ZNF177: variants seen among roughly 807,000 people sequenced by gnomAD.
ZNF177 encodes the protein zinc finger protein 177.
A neutral mutation model predicts 19.4 loss-of-function variants in ZNF177; 17 were observed. That is an observed-to-expected ratio of 0.87 (90% CI 0.60 to 1.31). The LOEUF (loss-of-function observed/expected upper bound fraction) is 1.31, where lower values mean the gene tolerates loss of function less well. Among genes scored for constraint, ZNF177 ranks in the 40% most tolerant of loss-of-function variants. The pLI, the probability that ZNF177 is intolerant of heterozygous loss-of-function variation, is 0.00. For missense variants in ZNF177, 633 were observed against 561.8 expected (o/e 1.13, Z -1.28); for synonymous variants, 220 against 188.7 (o/e 1.17, Z -1.36).
downstream of ZNF177, chr19:9,382,582 C>A (rs138090411): frequency 5.6e-5 from 22 of 394,076 alleles, no homozygotes; most frequent in Non-Finnish European, 8.0e-5. Flanking sequence ...CCAACTGTTA[C>A]ATCTAATAAA....
intron 3 of ZNF177, 109 bp from the exon 6 acceptor site, chr19:9,379,418 C>A: frequency 7.2e-7 from 1 of 1,394,306 alleles, no homozygotes; most frequent in Non-Finnish European, 9.6e-7. Context: ...TAAAGCTGCA[C>A]TTGACTATTT....
intron 1 of ZNF177, 79 bp from the exon 4 acceptor site, chr19:9,378,180 G>A: frequency 2.2e-6 from 3 of 1,365,802 alleles, no homozygotes; most frequent in Non-Finnish European, 2.9e-6. Flanking sequence ...TTACCCTTTA[G>A]TAAGAAGAAG....
chr19:9,381,170 G>A (rs148249257), exon 6 of ZNF177: 1 of 1,614,076 alleles, frequency 6.2e-7, no homozygotes, highest in African/African-American at 1.3e-5. Flanking sequence ...ACTCACTCTG[G>A]AGAGATGCCC....
chr19:9,373,548 C>T (rs765212846), upstream of ZNF177, among the ~76,000 whole-genome samples: 1 of 152,060 alleles, frequency 6.6e-6, no homozygotes, highest in Non-Finnish European at 1.5e-5. Flanking sequence ...ATGGCTGTAC[C>T]AATTTTCACT....
At chr19:9,372,076 C>T (rs1026158769), upstream of ZNF177, among the ~76,000 whole-genome samples, 1 of 152,200 alleles carries the variant, frequency 6.6e-6, no homozygotes, top group African/African-American at 2.4e-5. Flanking sequence ...ATTTCTTAAA[C>T]TGTGCCTTCC....
chr19:9,373,435 T>C (rs185436804), upstream of ZNF177, among the ~76,000 whole-genome samples: 14 of 152,344 alleles, frequency 9.2e-5, no homozygotes, highest in African/African-American at 1.9e-4. Context: ...CTTTAAGATA[T>C]TGATTTCACT....
At chr19:9,379,135 T>G (rs748977959) in intron 3 of ZNF177, 47 bp downstream of exon 5, 3 of 1,553,610 alleles carry the variant, frequency 1.9e-6, no homozygotes, top group Non-Finnish European at 2.6e-6. Context: ...CAAATAGTTC[T>G]TAAGCACATA....
chr19:9,367,116 C>G (rs1322962616), intron 2 of ZNF177, among the ~76,000 whole-genome samples: 1 of 152,112 alleles, frequency 6.6e-6, no homozygotes, highest in African/African-American at 2.4e-5. Flanking sequence ...GTCAGCAGAT[C>G]AAGACCATCC....
intron 2 of ZNF177, among the ~76,000 whole-genome samples, chr19:9,369,657 A>G (rs994352186): frequency 1.3e-5 from 2 of 151,196 alleles, no homozygotes; most frequent in African/African-American, 4.9e-5. Context: ...CATTTGACCT[A>G]TTTTTTTTGT....
chr19:9,373,465 G>A (rs565316239), upstream of ZNF177, among the ~76,000 whole-genome samples: 2 of 152,330 alleles, frequency 1.3e-5, no homozygotes, highest in East Asian at 3.9e-4. Flanking sequence ...TATATACCCA[G>A]TAGCAGGATT....
At chr19:9,379,563 T>A in exon 4 of ZNF177, 1 of 1,613,930 alleles carries the variant, frequency 6.2e-7, no homozygotes, top group Non-Finnish European at 8.5e-7. Context: ...ATCTCCAAGG[T>A]GGATCAAGAA....
At chr19:9,377,131 A>T (rs1346470805) in intron 1 of ZNF177, among the ~76,000 whole-genome samples, 6 of 152,206 alleles carry the variant, frequency 3.9e-5, no homozygotes, top group Non-Finnish European at 8.8e-5. Flanking sequence ...ATAACATTTT[A>T]ATAGTGCTAA....
chr19:9,364,057 T>C (rs1482553998), intron 1 of ZNF177, among the ~76,000 whole-genome samples: 2 of 152,230 alleles, frequency 1.3e-5, no homozygotes, highest in African/African-American at 4.8e-5. Flanking sequence ...TTTTAGTATA[T>C]TGAGTTGTGC....
chr19:9,363,546 GC>G (rs1163331986), intron 1 of ZNF177, among the ~76,000 whole-genome samples: 1 of 152,128 alleles, frequency 6.6e-6, no homozygotes, highest in Non-Finnish European at 1.5e-5. Flanking sequence ...ATCTGAGTGG[GC>G]TTGTGCATGT....
chr19:9,376,473 A>G (rs2122537709), intron 1 of ZNF177, 50 bp downstream of exon 3: 1 of 152,230 alleles, frequency 6.6e-6, no homozygotes, highest in South Asian at 2.1e-4. Flanking sequence ...GCTGTTGTAC[A>G]GATGTTTTGT....
chr19:9,376,103 C>G (rs1343996425), upstream of ZNF177, among the ~76,000 whole-genome samples: 1 of 152,104 alleles, frequency 6.6e-6, no homozygotes, highest in Non-Finnish European at 1.5e-5. Context: ...TTAATCCAGT[C>G]AGCCACTATG....
chr19:9,367,091 C>A (rs554346980), intron 2 of ZNF177, among the ~76,000 whole-genome samples: 2 of 152,140 alleles, frequency 1.3e-5, no homozygotes, highest in Admixed American at 6.5e-5. Flanking sequence ...GAGGCCCAGG[C>A]GGGCGGATCA....
At chr19:9,379,536 T>C in exon 4 of ZNF177, 1 of 1,613,730 alleles carries the variant, frequency 6.2e-7, no homozygotes, top group Non-Finnish European at 8.5e-7. Flanking sequence ...GGGTATCAGC[T>C]CTGCAGACAC....
intron 1 of ZNF177, among the ~76,000 whole-genome samples, chr19:9,376,651 C>T (rs1448046504): frequency 6.6e-6 from 1 of 152,140 alleles, no homozygotes; most frequent in Non-Finnish European, 1.5e-5. Context: ...AACAGCTTAG[C>T]TTTGATTGCA....
Sources: gnomAD v4.1 joint callset for allele counts (sites outside exome capture counted in the v4.1 genomes callset) on GRCh38, gnomAD v4.1.1 for gene constraint, MANE v1.5 for transcripts, NCBI Gene and HGNC (gene_info 2026-07-23, HGNC 2026-07-21) for gene names.